The following PPP2R2B variants were observed in gnomAD, a reference collection of about 807,000 sequenced individuals.
PPP2R2B encodes the protein protein phosphatase 2 regulatory subunit Bbeta.
A neutral mutation model predicts 46.0 loss-of-function variants in PPP2R2B; 5 were observed. The ratio of observed to expected loss-of-function variants is 0.11; its 90% CI spans 0.06 to 0.23. The LOEUF is 0.23. PPP2R2B is among the 10% of genes least tolerant of loss of function. The pLI is 1.00. For missense variants in PPP2R2B, 367 were observed against 575.0 expected (o/e 0.64, Z 3.70); for synonymous variants, 215 against 206.7 (o/e 1.04, Z -0.34).
In PPP2R2B at chr5:146,720,532, G is replaced by A. The variant is rs1780735754; in HGVS notation, c.71-19390C>T. On this transcript the variant is annotated intron_variant, in intron 2 of 9. Coordinates refer to ENST00000394411, the MANE Select transcript of PPP2R2B (RefSeq NM_181675.4). ...TTCCTTAAGATGCTGTTTCTTGGGG[G>A]GAAGATGTCGAACACTGTTGGGAAA... is the stretch of plus-strand genomic sequence containing the variant. 2.0e-5 allele frequency among the ~76,000 whole-genome samples: 3 copies of A among 152,106 alleles called. No homozygotes were observed. In the South Asian group the frequency reaches 6.2e-4, roughly 32 times the overall value.
At chr5:146,758,032 A>G (rs760173901) in intron 2 of PPP2R2B, among the ~76,000 whole-genome samples, 6 of 152,186 alleles carry the variant, frequency 3.9e-5, no homozygotes, top group Non-Finnish European at 8.8e-5. Context: ...ACCTGTCCAG[A>G]TATGGAGCTT....
At chr5:146,912,956 T>C (rs1157618712) in intron 1 of PPP2R2B, among the ~76,000 whole-genome samples, 2 of 152,212 alleles carry the variant, frequency 1.3e-5, no homozygotes, top group Non-Finnish European at 2.9e-5. Context: ...GTTCAAATCC[T>C]ATCTATAGCC....
intron 2 of PPP2R2B, among the ~76,000 whole-genome samples, chr5:146,708,846 G>A (rs1177625236): frequency 1.3e-5 from 2 of 152,214 alleles, no homozygotes; most frequent in South Asian, 2.1e-4. Context: ...TCCAAGCTAC[G>A]TTATCCATGA....
At chr5:147,078,130 T>C (rs1343205015) in intron 2 of PPP2R2B, among the ~76,000 whole-genome samples, 1 of 152,208 alleles carries the variant, frequency 6.6e-6, no homozygotes. Context: ...ATAAGTAATG[T>C]AGGAATAAAA....
chr5:146,728,329 T>C (rs1752010478), intron 2 of PPP2R2B, among the ~76,000 whole-genome samples: 1 of 152,098 alleles, frequency 6.6e-6, no homozygotes, highest in Admixed American at 6.5e-5. Context: ...TATTTTTAAA[T>C]AAGACCTTTT....
Position 147,006,539 on chromosome 5 carries a change from G to C in PPP2R2B, c.79+49126C>G, listed in dbSNP as rs577274201. Among the ~76,000 whole-genome samples the C allele has an allele frequency of 2.6e-5, 4 of 152,272 alleles. No homozygotes were observed. The South Asian group carries it at 8.3e-4, about 32-fold the overall frequency. On this transcript the variant is annotated intron_variant, in intron 1 of 8. Coordinates refer to the PPP2R2B transcript ENST00000336640. The stretch of plus-strand genomic sequence containing the variant: ...TACAACGAATACACCTACTTATAGG[G>C]TTAGGAATGGCTACTGCTACAGAAA...
intron 1 of PPP2R2B, among the ~76,000 whole-genome samples, chr5:147,004,610 C>T (rs1754342918): frequency 6.6e-6 from 1 of 152,118 alleles, no homozygotes; most frequent in Non-Finnish European, 1.5e-5. Flanking sequence ...AAGTCCCATA[C>T]CCTTATTAGG....
intron 1 of PPP2R2B, among the ~76,000 whole-genome samples, chr5:147,014,862 T>C (rs1018156845): frequency 6.6e-6 from 1 of 151,804 alleles, no homozygotes; most frequent in African/African-American, 2.4e-5. Context: ...TGTGCACATG[T>C]ACCCTAAAAC....
chr5:146,744,616 C>T (rs1369140703), intron 2 of PPP2R2B, among the ~76,000 whole-genome samples: 2 of 152,162 alleles, frequency 1.3e-5, no homozygotes, highest in African/African-American at 2.4e-5. Flanking sequence ...GGATATGAGC[C>T]AGGCAATCAT....
At position 146,878,165 on chromosome 5, in the gene PPP2R2B, G is replaced by C; in HGVS notation, c.-94C>G. On this transcript the variant is annotated 5_prime_UTR_variant, in exon 2 of 10. Coordinates refer to ENST00000394411, the MANE Select transcript of PPP2R2B (RefSeq NM_181675.4). This position sits in a 1 kb window ranked among gnomAD's most constrained non-coding sequence, Gnocchi z 4.5. The stretch of plus-strand genomic sequence containing the variant: ...CAGTCTCACAGGAGAGGGGGGCAGG[G>C]GAGCCAGTGGGACTGCACCATGGTC... The C allele has an allele frequency of 6.2e-7, 1 of 1,602,448 alleles. No homozygotes were observed. The highest frequency in any genetic ancestry group is 8.5e-7 in the Non-Finnish European group (1 of 1,174,000).
At chr5:146,678,193 C>A (rs185034110) in intron 5 of PPP2R2B, among the ~76,000 whole-genome samples, 16 of 152,186 alleles carry the variant, frequency 1.1e-4, no homozygotes, top group Non-Finnish European at 1.5e-5. Flanking sequence ...GCTTATCCAC[C>A]ATGATCAAGT....
At chr5:146,826,496 C>T (rs1278889994) in intron 2 of PPP2R2B, among the ~76,000 whole-genome samples, 1 of 152,102 alleles carries the variant, frequency 6.6e-6, no homozygotes. Context: ...AGATAATCTT[C>T]AGTTTCCATG....
chr5:146,705,548 G>C (rs146061258), intron 2 of PPP2R2B, among the ~76,000 whole-genome samples: 1 of 152,238 alleles, frequency 6.6e-6, no homozygotes, highest in East Asian at 1.9e-4. Flanking sequence ...AAACAAACGG[G>C]ATTCTTAGGT....
chr5:146,662,299 T>G (rs1433207128), intron 5 of PPP2R2B, among the ~76,000 whole-genome samples: 3 of 152,182 alleles, frequency 2.0e-5, no homozygotes, highest in African/African-American at 7.2e-5. Flanking sequence ...AACATGGCCT[T>G]TCATAGATAT....
At chr5:146,929,845 G>T (rs907176895) in intron 1 of PPP2R2B, among the ~76,000 whole-genome samples, 1 of 152,060 alleles carries the variant, frequency 6.6e-6, no homozygotes, top group Admixed American at 6.6e-5. Flanking sequence ...TGTAAAATAA[G>T]GTAGTATGTA....
chr5:147,043,719 C>A (rs1304109606), intron 1 of PPP2R2B, among the ~76,000 whole-genome samples: 1 of 152,116 alleles, frequency 6.6e-6, no homozygotes, highest in Non-Finnish European at 1.5e-5. Context: ...TTTATTTAAT[C>A]TCACAGCAAT....
At position 146,584,840 on chromosome 5, in the gene PPP2R2B, T is replaced by G. The variant is rs1164178831; in HGVS notation, c.*5107A>C. 1 of 152,206 alleles carries G rather than the reference T, an allele frequency of 6.6e-6. No homozygotes were observed. The highest frequency in any genetic ancestry group is 1.9e-4 in the East Asian group (1 of 5,196). The allele number at this position is 152,206 out of a possible 1,614,324, so 9.4% of individuals were successfully genotyped here. A position where few individuals can be genotyped will look rare whatever the true frequency, so the allele number is the denominator to read the frequency against. On this transcript the variant is annotated 3_prime_UTR_variant, in exon 10 of 10. Transcript: ENST00000394411. ...TAATGGAAGGAGAGAAACATTGGCT[T>G]TCTGTTTCCATGCCATATGGATTTT...
chr5:146,936,514 CAA>C (rs1227977864), intron 1 of PPP2R2B, among the ~76,000 whole-genome samples: 3 of 101,642 alleles, frequency 3.0e-5, no homozygotes, highest in Admixed American at 1.1e-4. Context: ...GATGGTTTCT[CAA>C]AAAAAAAAAA....
chr5:146,647,885 C>T (rs1775690878), intron 6 of PPP2R2B, among the ~76,000 whole-genome samples: 1 of 152,222 alleles, frequency 6.6e-6, no homozygotes, highest in South Asian at 2.1e-4. Context: ...GCCCAGACAG[C>T]ATGTGGAGTC....
Sources: gnomAD v4.1 joint callset for allele counts (sites outside exome capture counted in the v4.1 genomes callset) on GRCh38, gnomAD v4.1.1 for gene constraint, Gnocchi (gnomAD v3.1) non-coding constraint, MANE v1.5 for transcripts, NCBI Gene and HGNC (gene_info 2026-07-23, HGNC 2026-07-21) for gene names.